The following LRFN5 variants were observed in gnomAD, a reference collection of about 807,000 sequenced individuals.
LRFN5 encodes the protein leucine-rich repeat and fibronectin type-III domain-containing protein 5.
Under a neutral mutation model 45.6 loss-of-function variants are expected in LRFN5, and 24 were observed. The ratio of observed to expected loss-of-function variants is 0.53; its 90% confidence interval spans 0.38 to 0.74. The LOEUF (loss-of-function observed/expected upper bound fraction) is 0.74. LRFN5 is among the 30% of genes least tolerant of loss of function. The probability of loss-of-function intolerance (pLI) is 0.00; values close to 1 mark genes in which losing one functional copy is unlikely to be tolerated. For synonymous variants in LRFN5, 340 were observed against 313.8 expected (o/e 1.08, Z -0.88); for missense variants, 776 against 861.5 (o/e 0.90, Z 1.24).
chr14:41,720,089 T>G (rs890328005), intron 1 of LRFN5, among the ~76,000 whole-genome samples: 2 of 152,048 alleles, frequency 1.3e-5, no homozygotes, highest in Admixed American at 1.3e-4. Flanking sequence ...TAGTGAGTAT[T>G]GTACTCAATC....
At chr14:41,870,550 T>A (rs187209390) in intron 2 of LRFN5, among the ~76,000 whole-genome samples, 1 of 152,260 alleles carries the variant, frequency 6.6e-6, no homozygotes, top group African/African-American at 2.4e-5. Flanking sequence ...TCAGGTTTCT[T>A]GAGACTTATT....
chr14:41,674,014 G>A (rs1172449258), intron 1 of LRFN5, among the ~76,000 whole-genome samples: 5 of 146,526 alleles, frequency 3.4e-5, no homozygotes, highest in East Asian at 2.2e-4. Context: ...TCCCAGACGC[G>A]GTGGCTGCCG....
At chr14:41,803,431 C>T (rs2121705) in intron 2 of LRFN5, among the ~76,000 whole-genome samples, 21,220 of 151,702 alleles carry the variant, frequency 0.14, 1,626 homozygotes, top group East Asian at 0.21. Flanking sequence ...ACCTCGCTGC[C>T]GCCTCAAACT....
intron 1 of LRFN5, among the ~76,000 whole-genome samples, chr14:41,666,716 T>C (rs567442404): frequency 3.9e-5 from 6 of 152,144 alleles, no homozygotes; most frequent in Non-Finnish European, 8.8e-5. Flanking sequence ...TAAAGTCTTG[T>C]TCCTGTTAAA....
At chr14:41,662,462 A>G (rs562523182) in intron 1 of LRFN5, among the ~76,000 whole-genome samples, 78 of 152,196 alleles carry the variant, frequency 5.1e-4, no homozygotes, top group African/African-American at 1.8e-3. Flanking sequence ...TTGCTACATG[A>G]TAGGACTACA....
Position 41,891,946 on chromosome 14 carries a change from A to G in LRFN5, c.2082A>G (p.Arg694=). Residue 694 remains arginine, a synonymous_variant, in exon 4 of 6, where the codon AGA becomes AGG. Coordinates refer to ENST00000298119, the MANE Select transcript of LRFN5 (RefSeq NM_152447.5). The part of the protein sequence containing the change: ...DSVTEGPTSK[R]AHIKPNALLT... The stretch of plus-strand genomic sequence containing the variant: ...TCACAGAGGGGCCCACGTCTAAAAG[A>G]GCACATATAAAGCCAAGTAAGTTTA... 6.2e-7 allele frequency: 1 copy of G among 1,613,152 alleles called. No individual in the cohort carries two copies. The highest frequency in any genetic ancestry group is 1.3e-5 in the African/African-American group (1 of 74,944).
intron 1 of LRFN5, among the ~76,000 whole-genome samples, chr14:41,719,745 G>A (rs200244989): frequency 7.4e-5 from 11 of 149,088 alleles, no homozygotes; most frequent in Non-Finnish European, 1.3e-4. Context: ...ATGTGTGTGT[G>A]TATATATATA....
chr14:41,708,594 T>C (rs61990335), intron 1 of LRFN5, among the ~76,000 whole-genome samples: 30,936 of 151,962 alleles, frequency 0.2, 3,371 homozygotes, highest in Non-Finnish European at 0.26. Flanking sequence ...AATTAGTTGA[T>C]GTTTCTGAAG....
intron 2 of LRFN5, among the ~76,000 whole-genome samples, chr14:41,801,592 A>T (rs1887334747): frequency 6.6e-6 from 1 of 152,092 alleles, no homozygotes; most frequent in African/African-American, 2.4e-5. Context: ...GTTTTCTCCT[A>T]TGCCTGTTTA....
At chr14:41,647,729 A>G (rs1379048852) in intron 1 of LRFN5, among the ~76,000 whole-genome samples, 2 of 152,300 alleles carry the variant, frequency 1.3e-5, no homozygotes, top group South Asian at 2.1e-4. Context: ...TTCAAAACTT[A>G]ACATAAGAAG....
intron 1 of LRFN5, among the ~76,000 whole-genome samples, chr14:41,640,743 CA>C (rs1441168017): frequency 1.1e-4 from 17 of 152,080 alleles, no homozygotes; most frequent in African/African-American, 3.9e-4. Flanking sequence ...TTTGTACACA[CA>C]AAACTGTAAC....
intron 2 of LRFN5, among the ~76,000 whole-genome samples, chr14:41,863,197 T>C (rs1352107234): frequency 6.6e-6 from 1 of 152,180 alleles, no homozygotes; most frequent in Admixed American, 6.5e-5. Context: ...TACTAGTGGG[T>C]AGTAAATTCT....
chr14:41,868,857 C>T (rs138909041), intron 2 of LRFN5, among the ~76,000 whole-genome samples: 16 of 152,224 alleles, frequency 1.1e-4, no homozygotes, highest in African/African-American at 2.4e-4. Context: ...GCCTGCTTTT[C>T]GGTGTAGAAA....
At chr14:41,670,410 C>G (rs937348027) in intron 1 of LRFN5, among the ~76,000 whole-genome samples, 2 of 148,788 alleles carry the variant, frequency 1.3e-5, no homozygotes, top group Admixed American at 1.3e-4. Context: ...CTTTTCACTA[C>G]GTAATTTGTA....
At chr14:41,827,866 C>G (rs993480131) in intron 2 of LRFN5, among the ~76,000 whole-genome samples, 1 of 151,946 alleles carries the variant, frequency 6.6e-6, no homozygotes, top group African/African-American at 2.4e-5. Flanking sequence ...TGTTCTCCTA[C>G]TTTATTTTAG....
At chr14:41,793,169 A>T (rs1434453295) in intron 2 of LRFN5, among the ~76,000 whole-genome samples, 1 of 151,990 alleles carries the variant, frequency 6.6e-6, no homozygotes, top group Non-Finnish European at 1.5e-5. Flanking sequence ...AGAAAAAAAA[A>T]GTATTACTTG....
intron 1 of LRFN5, among the ~76,000 whole-genome samples, chr14:41,645,984 T>G (rs1879797236): frequency 6.6e-6 from 1 of 152,186 alleles, no homozygotes; most frequent in Non-Finnish European, 1.5e-5. Flanking sequence ...TTTATTTTAT[T>G]TCATGTTTTA....
chr14:41,837,977 C>T (rs1317674944), intron 2 of LRFN5, among the ~76,000 whole-genome samples: 2 of 152,028 alleles, frequency 1.3e-5, no homozygotes, highest in East Asian at 3.9e-4. Flanking sequence ...CCACATGAGA[C>T]TATATTTAGT....
chr14:41,781,634 GGAAAGAAAGAAAGAGAAA>G (rs1886524014), intron 2 of LRFN5, among the ~76,000 whole-genome samples: 1 of 114,938 alleles, frequency 8.7e-6, no homozygotes, highest in Non-Finnish European at 1.8e-5. Flanking sequence ...AAGAAAGAAA[GGAAAGAAAGAAAGAGAAA>G]GAAAGAAAGA....
Sources: gnomAD v4.1 joint callset for allele counts (sites outside exome capture counted in the v4.1 genomes callset) on GRCh38, gnomAD v4.1.1 for gene constraint, MANE v1.5 for transcripts, NCBI Gene and HGNC (gene_info 2026-07-23, HGNC 2026-07-21) for gene names.